The following TUSC3 variants were observed in gnomAD, a reference collection of about 807,000 sequenced individuals.
TUSC3 encodes the protein tumor suppressor candidate 3.
TUSC3 carries 45 observed loss-of-function variants against 44.8 expected under a neutral mutation model. The ratio of observed to expected loss-of-function variants is 1.00; its 90% CI spans 0.79 to 1.29. The LOEUF is 1.29. Among genes scored for constraint, TUSC3 ranks in the 50% most tolerant of loss-of-function variants. The pLI is 0.00. For missense variants in TUSC3, 519 were observed against 437.9 expected (o/e 1.19, Z -1.65); for synonymous variants, 212 against 152.9 (o/e 1.39, Z -2.85).
At chr8:15,647,793 G>T (rs932148912) in intron 2 of TUSC3, among the ~76,000 whole-genome samples, 2 of 151,992 alleles carry the variant, frequency 1.3e-5, no homozygotes, top group African/African-American at 4.8e-5. Flanking sequence ...GTCTCAACGT[G>T]CAATTTTAAA....
intron 1 of TUSC3, among the ~76,000 whole-genome samples, chr8:15,435,286 G>A (rs1554501317): frequency 6.6e-6 from 1 of 152,134 alleles, no homozygotes; most frequent in Non-Finnish European, 1.5e-5. Flanking sequence ...CTGGTGGCCA[G>A]TGATGATGAG....
intron 1 of TUSC3, among the ~76,000 whole-genome samples, chr8:15,573,512 C>G (rs1222329881): frequency 6.6e-6 from 1 of 151,922 alleles, no homozygotes; most frequent in African/African-American, 2.4e-5. Flanking sequence ...TTAGCTGAAC[C>G]TGAACCTAGC....
intron 1 of TUSC3, among the ~76,000 whole-genome samples, chr8:15,581,932 C>G (rs1803367291): frequency 6.7e-6 from 1 of 149,168 alleles, no homozygotes; most frequent in Non-Finnish European, 1.5e-5. Flanking sequence ...GCAGTTTGAT[C>G]TCAGACTGCT....
chr8:15,639,913 A>G (rs1222100526), intron 2 of TUSC3, among the ~76,000 whole-genome samples: 1 of 152,014 alleles, frequency 6.6e-6, no homozygotes, highest in Non-Finnish European at 1.5e-5. Flanking sequence ...ACAAAATAAT[A>G]TTCTTTTTAT....
chr8:15,519,069 G>A (rs17121585), intron 2 of TUSC3, among the ~76,000 whole-genome samples: 6,547 of 152,118 alleles, frequency 0.043, 416 homozygotes, highest in African/African-American at 0.14. Flanking sequence ...CTGGATTTTG[G>A]CTCATTGATT....
intron 1 of TUSC3, among the ~76,000 whole-genome samples, chr8:15,547,700 G>C (rs1449346615): frequency 0.067 from 4 of 60 alleles, no homozygotes; most frequent in Admixed American, 0.25. Context: ...AGGTCCTCAG[G>C]GGTGCCGCCC....
intron 2 of TUSC3, among the ~76,000 whole-genome samples, chr8:15,483,770 C>T (rs1212875704): frequency 1.3e-5 from 2 of 150,332 alleles, no homozygotes; most frequent in Non-Finnish European, 2.9e-5. Flanking sequence ...ATTCTCCTGC[C>T]TCAGCCTCCC....
chr8:15,727,840 A>G (rs756983708), intron 6 of TUSC3, among the ~76,000 whole-genome samples: 29 of 152,202 alleles, frequency 1.9e-4, no homozygotes, highest in African/African-American at 3.6e-4. Flanking sequence ...ATATCATACT[A>G]TCTTACTTGA....
the TUSC3 span, among the ~76,000 whole-genome samples, chr8:15,829,472 G>A: frequency 6.6e-6 from 1 of 152,038 alleles, no homozygotes; most frequent in African/African-American, 2.4e-5. Context: ...ATTTATCTCA[G>A]AGCAGTTTCG....
chr8:15,532,193 C>T (rs1321531131), intron 2 of TUSC3, among the ~76,000 whole-genome samples: 4 of 151,998 alleles, frequency 2.6e-5, no homozygotes, highest in African/African-American at 4.8e-5. Flanking sequence ...TTTGCTGTTT[C>T]TGTTCCTCTG....
rs181878566 is a variant in TUSC3, at chr8:15,734,327, C to G, written c.862+3598C>G. On this transcript the variant is annotated intron_variant, in intron 7 of 10. Transcript: ENST00000503731. ...AGAAAACAGATGGAGCATTTTGTATCATAGGTTATAGATTTATATTTACTA... is the reference window on the plus strand; with the variant it reads ...AGAAAACAGATGGAGCATTTTGTATGATAGGTTATAGATTTATATTTACTA... Among the ~76,000 whole-genome samples, 116 of 152,204 alleles carry G rather than the reference C, an allele frequency of 7.6e-4. No individual in the cohort carries two copies. The East Asian group carries it at 0.013, about 17-fold the overall frequency.
intron 2 of TUSC3, among the ~76,000 whole-genome samples, chr8:15,649,896 T>C (rs886813960): frequency 3.3e-5 from 5 of 152,324 alleles, no homozygotes; most frequent in African/African-American, 1.2e-4. Flanking sequence ...TCAACCATAC[T>C]GAAGAAGCAA....
At chr8:15,594,148 A>G (rs1043685741) in intron 1 of TUSC3, among the ~76,000 whole-genome samples, 1 of 152,186 alleles carries the variant, frequency 6.6e-6, no homozygotes, top group African/African-American at 2.4e-5. Context: ...CTGCAATTTT[A>G]AATTTGTCTT....
At chr8:15,485,591 T>C (rs6530875) in intron 2 of TUSC3, among the ~76,000 whole-genome samples, 87,454 of 151,314 alleles carry the variant, frequency 0.58, 25,646 homozygotes, top group East Asian at 0.77. Flanking sequence ...AGATACCTAA[T>C]CATGGGTACT....
At chr8:15,480,090 C>G (rs1585060000) in intron 1 of TUSC3, among the ~76,000 whole-genome samples, 1 of 152,024 alleles carries the variant, frequency 6.6e-6, no homozygotes, top group Non-Finnish European at 1.5e-5. Flanking sequence ...ATACAGCTAA[C>G]AAGGAAAGTG....
At chr8:15,789,272 C>CAATGTT in the TUSC3 span, among the ~76,000 whole-genome samples, 7 of 152,114 alleles carry the variant, frequency 4.6e-5, no homozygotes, top group Non-Finnish European at 1.0e-4. Flanking sequence ...GTTCAGTGTA[C>CAATGTT]CGTAATATGG....
chr8:15,478,830 GT>G (rs1197058854), intron 1 of TUSC3, among the ~76,000 whole-genome samples: 3 of 152,040 alleles, frequency 2.0e-5, no homozygotes, highest in African/African-American at 7.2e-5. Context: ...TGGTATTTCT[GT>G]TTCTAGGTCT....
intron 6 of TUSC3, among the ~76,000 whole-genome samples, chr8:15,714,615 G>A (rs1186654695): frequency 6.6e-6 from 1 of 152,094 alleles, no homozygotes; most frequent in African/African-American, 2.4e-5. Context: ...AGATATTTCA[G>A]TACTACATAA....
chr8:15,443,282 C>G (rs1800044564), intron 1 of TUSC3, among the ~76,000 whole-genome samples: 1 of 151,742 alleles, frequency 6.6e-6, no homozygotes, highest in Non-Finnish European at 1.5e-5. Context: ...GATCCTTCCA[C>G]CTCAGCCTAT....
Sources: allele counts gnomAD v4.1 joint callset (sites outside exome capture counted in the v4.1 genomes callset), GRCh38; gene constraint gnomAD v4.1.1; transcripts MANE v1.5; gene names NCBI Gene and HGNC (gene_info 2026-07-23, HGNC 2026-07-21).